SERGEF: variants seen among roughly 807,000 people sequenced by gnomAD.
The protein encoded by SERGEF is secretion-regulating guanine nucleotide exchange factor.
SERGEF carries 51 observed loss-of-function variants against 50.0 expected under a neutral mutation model. The ratio of observed to expected loss-of-function variants is 1.02; its 90% CI spans 0.81 to 1.29. The LOEUF is 1.29. SERGEF is among the 50% of genes most tolerant of loss of function. The pLI is 0.00. For missense variants in SERGEF, 521 were observed against 557.0 expected (o/e 0.94, Z 0.65); for synonymous variants, 205 against 212.4 (o/e 0.97, Z 0.30).
chr11:17,875,855 TACATGTGGGAC>T, intron 10 of SERGEF, among the ~76,000 whole-genome samples: 1 of 152,330 alleles, frequency 6.6e-6, no homozygotes, highest in Non-Finnish European at 1.5e-5. Flanking sequence ...TTGTGCCTTT[TACATGTGGGAC>T]ACAGCACCAG....
chr11:17,906,523 G>A (rs528745583), intron 9 of SERGEF, among the ~76,000 whole-genome samples: 38 of 152,036 alleles, frequency 2.5e-4, no homozygotes, highest in Non-Finnish European at 2.6e-4. Context: ...CTAAGTGGGG[G>A]TGGGGCGCTT....
chr11:17,849,374 C>T (rs528193220), intron 10 of SERGEF, among the ~76,000 whole-genome samples: 1 of 152,320 alleles, frequency 6.6e-6, no homozygotes, highest in South Asian at 2.1e-4. Context: ...GTGATACTTA[C>T]TTTATTGCTT....
intron 1 of SERGEF, among the ~76,000 whole-genome samples, chr11:18,011,137 T>TACACACACACAC (rs57370560): frequency 1.0e-3 from 148 of 147,732 alleles, no homozygotes; most frequent in African/African-American, 3.0e-3. Context: ...CATGCACACA[T>TACACACACACAC]ACACACACAC....
intron 10 of SERGEF, among the ~76,000 whole-genome samples, chr11:17,873,755 T>C (rs1384992857): frequency 6.6e-6 from 1 of 152,086 alleles, no homozygotes; most frequent in African/African-American, 2.4e-5. Context: ...CAAGCCTGAG[T>C]GCTCCAGGAA....
chr11:17,910,315 C>T (rs1242191900), intron 9 of SERGEF, among the ~76,000 whole-genome samples: 1 of 152,128 alleles, frequency 6.6e-6, no homozygotes, highest in Admixed American at 6.6e-5. Flanking sequence ...GTGGTGAACT[C>T]ATAGCTCACT....
chr11:17,929,177 G>A (rs1405930394), intron 9 of SERGEF, among the ~76,000 whole-genome samples: 1 of 152,054 alleles, frequency 6.6e-6, no homozygotes, highest in Non-Finnish European at 1.5e-5. Context: ...TACATAACTC[G>A]GCATTGTCAA....
At chr11:18,012,268 C>T (rs1205357506) in intron 1 of SERGEF, among the ~76,000 whole-genome samples, 1 of 152,210 alleles carries the variant, frequency 6.6e-6, no homozygotes. Context: ...TGAAGAAGCA[C>T]AAGACGCAGC....
chr11:17,843,382 T>C (rs924231877), intron 10 of SERGEF, among the ~76,000 whole-genome samples: 8 of 152,346 alleles, frequency 5.3e-5, no homozygotes, highest in Non-Finnish European at 8.8e-5. Flanking sequence ...TCTGCATCCA[T>C]ATTTTCATGT....
rs141268200 is a variant in SERGEF at position 17,970,175 on chromosome 11, G to A, written c.845-10539C>T. Among the ~76,000 whole-genome samples the A allele has an allele frequency of 4.8e-3, 727 of 152,318 alleles. 8 individuals are homozygous for A. Among genetic ancestry groups the A allele is most frequent in the African/African-American group, 0.016 (675 of 41,570 alleles). On this transcript the variant is annotated intron_variant, in intron 8 of 10. Coordinates refer to ENST00000265965, the MANE Select transcript of SERGEF (RefSeq NM_012139.4). ...TTTGTGGCAACCCTGAGTCCAGTAA[G>A]TCTATTGGCGCCATTTTTCGAACAG...
At chr11:17,829,238 G>A (rs1177315241) in intron 10 of SERGEF, among the ~76,000 whole-genome samples, 4 of 152,066 alleles carry the variant, frequency 2.6e-5, no homozygotes, top group East Asian at 1.9e-4. Flanking sequence ...TCAATAAATC[G>A]GACAAACCAC....
At chr11:17,883,304 A>G (rs1851369623) in intron 9 of SERGEF, among the ~76,000 whole-genome samples, 1 of 152,208 alleles carries the variant, frequency 6.6e-6, no homozygotes, top group Non-Finnish European at 1.5e-5. Flanking sequence ...ATGAGTTAAA[A>G]CAAACGAATA....
chr11:18,001,923 G>T (rs889593409), intron 4 of SERGEF: 7 of 451,926 alleles, frequency 1.5e-5, no homozygotes, highest in Non-Finnish European at 2.2e-5. Context: ...GACCCTCAAG[G>T]GCAGGACCTG....
intron 10 of SERGEF, among the ~76,000 whole-genome samples, chr11:17,810,668 G>A (rs181026797): frequency 2.6e-5 from 4 of 152,274 alleles, no homozygotes; most frequent in Admixed American, 1.3e-4. Flanking sequence ...CTGTGAGGAC[G>A]ATGACTTTTG....
At chr11:17,903,782 G>C (rs1245448084) in intron 9 of SERGEF, among the ~76,000 whole-genome samples, 1 of 152,180 alleles carries the variant, frequency 6.6e-6, no homozygotes, top group Non-Finnish European at 1.5e-5. Context: ...GGAAGGAAGA[G>C]GCACACTGAA....
At chr11:17,979,963 C>T (rs575527968) in intron 8 of SERGEF, among the ~76,000 whole-genome samples, 13 of 152,278 alleles carry the variant, frequency 8.5e-5, no homozygotes, top group South Asian at 2.1e-4. Flanking sequence ...TGGTTCAGTG[C>T]TGTCATTACA....
At chr11:17,965,574 T>C (rs1027683617) in intron 8 of SERGEF, among the ~76,000 whole-genome samples, 6 of 152,178 alleles carry the variant, frequency 3.9e-5, no homozygotes, top group Non-Finnish European at 7.3e-5. Context: ...CCTGGGAGCA[T>C]TTACCTCAGT....
intron 9 of SERGEF, among the ~76,000 whole-genome samples, chr11:17,921,695 T>C (rs1852158976): frequency 6.6e-6 from 1 of 151,912 alleles, no homozygotes; most frequent in Non-Finnish European, 1.5e-5. Flanking sequence ...AGACCTGAAA[T>C]GAACTAGACA....
chr11:17,994,201 G>A (rs1297662483), intron 6 of SERGEF, among the ~76,000 whole-genome samples: 1 of 152,140 alleles, frequency 6.6e-6, no homozygotes, highest in Non-Finnish European at 1.5e-5. Context: ...TCTTTACTGA[G>A]AAAGGTGTAT....
chr11:18,006,504 C>T (rs1854078042), intron 3 of SERGEF, 87 bp downstream of exon 3: 1 of 1,309,160 alleles, frequency 7.6e-7, no homozygotes, highest in Admixed American at 2.3e-5. Context: ...CACAAAGAGG[C>T]TTTCATTTAA....
Sources: gnomAD v4.1 joint callset for allele counts (sites outside exome capture counted in the v4.1 genomes callset) on GRCh38, gnomAD v4.1.1 for gene constraint, MANE v1.5 for transcripts, NCBI Gene and HGNC (gene_info 2026-07-23, HGNC 2026-07-21) for gene names.